Variants in LAMC1 observed in about 807,000 individuals in gnomAD.
LAMC1 encodes laminin subunit gamma-1.
In LAMC1, 38 loss-of-function variants were observed where a neutral mutation model predicts 173.6. That is an observed-to-expected ratio of 0.22 (90% confidence interval 0.17 to 0.29). LAMC1 has a LOEUF of 0.29. Among genes scored for constraint, LAMC1 ranks in the 10% least tolerant of loss-of-function variants. The probability of loss-of-function intolerance (pLI) is 1.00; values close to 1 mark genes in which losing one functional copy is unlikely to be tolerated. For missense variants in LAMC1, 1,824 were observed against 2,051.8 expected (o/e 0.89, Z 2.14); for synonymous variants, 746 against 749.1 (o/e 1.00, Z 0.07).
chr1:183,060,914 T>C (rs151178434), intron 1 of LAMC1, among the ~76,000 whole-genome samples: 2 of 152,332 alleles, frequency 1.3e-5, no homozygotes, highest in Non-Finnish European at 1.5e-5. Flanking sequence ...GAAGATATGA[T>C]CACTTCATGA....
chr1:183,130,317 C>T (rs746150717), intron 18 of LAMC1, 27 bp from the exon 19 acceptor site: 2 of 1,576,176 alleles, frequency 1.3e-6, no homozygotes, highest in South Asian at 2.2e-5. Flanking sequence ...AGATAATTTA[C>T]AGACTTTCTT....
intron 1 of LAMC1, among the ~76,000 whole-genome samples, chr1:183,059,945 G>T (rs772779960): frequency 1.3e-5 from 2 of 152,192 alleles, no homozygotes; most frequent in Non-Finnish European, 2.9e-5. Flanking sequence ...TTCTGGCACT[G>T]TGTAGGGGAC....
rs1330061639 is a variant in LAMC1 at position 183,124,627 on chromosome 1, C to T, written c.2402-4C>T. 5 of 1,613,998 alleles carry T rather than the reference C, an allele frequency of 3.1e-6. No homozygotes were observed. The highest frequency in any genetic ancestry group is 4.2e-6 in the Non-Finnish European group (5 of 1,180,018). On this transcript the variant is annotated splice_polypyrimidine_tract_variant and splice_region_variant and intron_variant, in intron 13 of 27. Coordinates refer to ENST00000258341, the MANE Select transcript of LAMC1 (RefSeq NM_002293.4). ...TTCATAACATCAGATTGTCTCATCC[C>T]CAGGTAAGAGATGTGAGCTCTGTGA...
chr1:183,112,232 C>T (rs1254529050), intron 4 of LAMC1, among the ~76,000 whole-genome samples: 2 of 152,164 alleles, frequency 1.3e-5, no homozygotes, highest in African/African-American at 4.8e-5. Flanking sequence ...TTCTTTAATT[C>T]CATTACTGAA....
intron 1 of LAMC1, among the ~76,000 whole-genome samples, chr1:183,098,779 T>C (rs1655758526): frequency 6.6e-6 from 1 of 152,202 alleles, no homozygotes; most frequent in South Asian, 2.1e-4. Context: ...TCACTTTGCA[T>C]ATGCACCCAG....
chr1:183,127,556 A>G, intron 17 of LAMC1, 152 bp downstream of exon 17: 1 of 621,272 alleles, frequency 1.6e-6, no homozygotes, highest in Non-Finnish European at 2.8e-6. Context: ...AAATAATAAA[A>G]AATAAATAAA....
intron 6 of LAMC1, among the ~76,000 whole-genome samples, chr1:183,116,329 T>C (rs2102083322): frequency 6.6e-6 from 1 of 151,894 alleles, no homozygotes; most frequent in Non-Finnish European, 1.5e-5. Context: ...ATACAAAAAT[T>C]AGCTGGGTGT....
At chr1:183,073,793 G>T (rs968386793) in intron 1 of LAMC1, among the ~76,000 whole-genome samples, 1 of 152,082 alleles carries the variant, frequency 6.6e-6, no homozygotes, top group Admixed American at 6.5e-5. Context: ...AGAAAACCTA[G>T]CAAAATAATA....
chr1:183,101,525 T>A (rs1436863483), intron 1 of LAMC1, among the ~76,000 whole-genome samples: 1 of 151,758 alleles, frequency 6.6e-6, no homozygotes, highest in Non-Finnish European at 1.5e-5. Context: ...TGTGAACGTA[T>A]TCAGAATCCC....
chr1:183,052,202 TCTCATCCC>T (rs1654444468), intron 1 of LAMC1, among the ~76,000 whole-genome samples: 1 of 152,120 alleles, frequency 6.6e-6, no homozygotes, highest in East Asian at 1.9e-4. Context: ...ATTTTTGTGT[TCTCATCCC>T]TTTTTCTTTC....
intron 1 of LAMC1, among the ~76,000 whole-genome samples, chr1:183,096,388 T>C (rs1655694403): frequency 2.0e-5 from 3 of 152,234 alleles, no homozygotes; most frequent in Admixed American, 6.5e-5. Flanking sequence ...TCTGTTAGCT[T>C]TAAAAAATTC....
At chr1:183,100,583 A>T (rs988397419) in intron 1 of LAMC1, among the ~76,000 whole-genome samples, 1 of 152,160 alleles carries the variant, frequency 6.6e-6, no homozygotes, top group East Asian at 1.9e-4. Context: ...AGCATTCCTC[A>T]TGTCTTGGAT....
chr1:183,120,006 A>G (rs1487539551), intron 11 of LAMC1, among the ~76,000 whole-genome samples: 2 of 151,850 alleles, frequency 1.3e-5, no homozygotes, highest in Non-Finnish European at 2.9e-5. Flanking sequence ...TTCTGTCTCT[A>G]TAAATCAAAA....
chr1:183,098,378 T>C (rs995796641), intron 1 of LAMC1, among the ~76,000 whole-genome samples: 1 of 152,208 alleles, frequency 6.6e-6, no homozygotes, highest in African/African-American at 2.4e-5. Context: ...GTATTTGCCT[T>C]CTTATTTATC....
chr1:183,088,022 A>C (rs953013995), intron 1 of LAMC1, among the ~76,000 whole-genome samples: 3 of 152,106 alleles, frequency 2.0e-5, no homozygotes, highest in African/African-American at 4.8e-5. Context: ...TATGTTGGTC[A>C]GGCTGGTCTG....
chr1:183,078,115 T>G (rs1382107924), intron 1 of LAMC1, among the ~76,000 whole-genome samples: 1 of 152,214 alleles, frequency 6.6e-6, no homozygotes, highest in Non-Finnish European at 1.5e-5. Context: ...TATTCTTGAC[T>G]AGTTATGTAT....
intron 4 of LAMC1, among the ~76,000 whole-genome samples, chr1:183,112,516 A>G (rs535163524): frequency 3.9e-5 from 6 of 152,176 alleles, no homozygotes; most frequent in Non-Finnish European, 8.8e-5. Flanking sequence ...TGACACTTCA[A>G]AGAGTGACAT....
intron 1 of LAMC1, among the ~76,000 whole-genome samples, chr1:183,068,629 C>CT (rs1225539155): frequency 6.6e-6 from 1 of 152,100 alleles, no homozygotes; most frequent in Non-Finnish European, 1.5e-5. Flanking sequence ...CAATTCATGA[C>CT]TTTTTTAGGT....
intron 1 of LAMC1, among the ~76,000 whole-genome samples, chr1:183,046,031 A>G (rs1174630221): frequency 2.6e-5 from 4 of 151,938 alleles, no homozygotes; most frequent in African/African-American, 7.2e-5. Context: ...CTTATCTTCC[A>G]GTGTGTCCAG....
Sources: gnomAD v4.1 joint callset for allele counts (sites outside exome capture counted in the v4.1 genomes callset) on GRCh38, gnomAD v4.1.1 for gene constraint, MANE v1.5 for transcripts, NCBI Gene and HGNC (gene_info 2026-07-23, HGNC 2026-07-21) for gene names.